MYO5B: variants seen among roughly 807,000 people sequenced by gnomAD.
The protein encoded by MYO5B is myosin VB.
Under a neutral mutation model 229.3 loss-of-function variants are expected in MYO5B, and 143 were observed. That is an observed-to-expected ratio of 0.62 (90% CI 0.54 to 0.72). The LOEUF (loss-of-function observed/expected upper bound fraction) is 0.72, where lower values mean the gene tolerates loss of function less well. Among genes scored for constraint, MYO5B ranks in the 30% least tolerant of loss-of-function variants. The pLI, the probability that MYO5B is intolerant of heterozygous loss-of-function variation, is 0.00. For synonymous variants in MYO5B, 918 were observed against 885.2 expected, an observed-to-expected ratio of 1.04 and a Z score of -0.66; for missense variants, 2,321 against 2,331.0, an observed-to-expected ratio of 1.00 and a Z score of 0.09.
intron 1 of MYO5B, among the ~76,000 whole-genome samples, chr18:50,132,617 T>C (rs1397489613): frequency 6.6e-6 from 1 of 152,228 alleles, no homozygotes; most frequent in Non-Finnish European, 1.5e-5. Flanking sequence ...ATCTCCACCA[T>C]GCTCCCCTCT....
intron 4 of MYO5B, among the ~76,000 whole-genome samples, chr18:50,005,867 C>T (rs533083726): frequency 2.0e-5 from 3 of 152,304 alleles, no homozygotes; most frequent in African/African-American, 7.2e-5. Flanking sequence ...CTGTCCATGT[C>T]CAATGCCTGG....
chr18:50,021,485 C>G (rs2026274028), intron 4 of MYO5B, among the ~76,000 whole-genome samples: 1 of 152,158 alleles, frequency 6.6e-6, no homozygotes, highest in East Asian at 1.9e-4. Context: ...TTCCACAATC[C>G]TGGAGTTACG....
chr18:50,186,037 A>C (rs2033143960), intron 1 of MYO5B, among the ~76,000 whole-genome samples: 1 of 152,276 alleles, frequency 6.6e-6, no homozygotes, highest in African/African-American at 2.4e-5. Context: ...CACATTTAAA[A>C]GGTGAATTGA....
At chr18:49,878,677 G>C (rs528179246) in intron 24 of MYO5B, among the ~76,000 whole-genome samples, 4 of 152,254 alleles carry the variant, frequency 2.6e-5, no homozygotes, top group Non-Finnish European at 5.9e-5. Flanking sequence ...CCCGTAACAG[G>C]AAACAGGAAA....
At chr18:49,997,711 A>G (rs980888698) in intron 5 of MYO5B, among the ~76,000 whole-genome samples, 1 of 152,150 alleles carries the variant, frequency 6.6e-6, no homozygotes, top group Non-Finnish European at 1.5e-5. Flanking sequence ...AGTGCACCCC[A>G]GCCAATCTCA....
At chr18:50,145,497 CAAAAAAAAAAAAAAAAAAAAAAAAAAAA>C (rs369507800) in intron 1 of MYO5B, among the ~76,000 whole-genome samples, 1 of 69,986 alleles carries the variant, frequency 1.4e-5, no homozygotes, top group Non-Finnish European at 2.7e-5. Flanking sequence ...GACTCCATCT[CAAAAAAAAAAAAAAAAAAAAAAAAAAAA>C]AAAAAAAAAA....
At chr18:49,830,996 T>G (rs982855708) in intron 39 of MYO5B, among the ~76,000 whole-genome samples, 6 of 151,362 alleles carry the variant, frequency 4.0e-5, no homozygotes, top group African/African-American at 7.3e-5. Context: ...AACCCTCATA[T>G]TTTTGGTCAA....
rs141202314 is a variant in MYO5B, at chr18:49,966,902, A to G, written c.1323-3872T>C. On this transcript the variant is annotated intron_variant, in intron 10 of 39. Transcript: ENST00000285039. ...ACCTCAGAAAGCCACAGTTGGGGAG[A>G]TTGGGTAACTTTTCCTTTACAATGG... Among the ~76,000 whole-genome samples the G allele has an allele frequency of 3.2e-3, 485 of 152,320 alleles. 2 individuals carry two copies. The highest frequency in any genetic ancestry group is 0.011 in the African/African-American group (461 of 41,574).
intron 1 of MYO5B, among the ~76,000 whole-genome samples, chr18:50,170,976 C>T (rs114721490): frequency 0.023 from 2,967 of 127,476 alleles, 829 homozygotes; most frequent in African/African-American, 0.083. Flanking sequence ...CCCGTTACCC[C>T]GTGGTGAACC....
intron 5 of MYO5B, among the ~76,000 whole-genome samples, chr18:49,999,818 G>C (rs1434874566): frequency 6.6e-6 from 1 of 152,194 alleles, no homozygotes; most frequent in Admixed American, 6.5e-5. Context: ...GAGAAACTCT[G>C]GAGTGGAGTA....
chr18:49,963,560 G>A (rs1402946871), intron 10 of MYO5B, among the ~76,000 whole-genome samples: 3 of 151,900 alleles, frequency 2.0e-5, no homozygotes, highest in South Asian at 2.1e-4. Context: ...CCGAGTAGCT[G>A]GGACTGCAGG....
At chr18:50,162,279 C>A (rs1193366089) in intron 1 of MYO5B, among the ~76,000 whole-genome samples, 1 of 152,158 alleles carries the variant, frequency 6.6e-6, no homozygotes. Flanking sequence ...GAATCCTGAA[C>A]CATCCCTCCC....
chr18:50,161,734 A>C (rs1159733008), intron 1 of MYO5B, among the ~76,000 whole-genome samples: 2 of 152,240 alleles, frequency 1.3e-5, no homozygotes, highest in African/African-American at 4.8e-5. Context: ...GGCAACCAGG[A>C]AACATGGACA....
chr18:50,041,964 T>A (rs1203310258), intron 2 of MYO5B, among the ~76,000 whole-genome samples: 2 of 151,958 alleles, frequency 1.3e-5, no homozygotes, highest in African/African-American at 4.8e-5. Flanking sequence ...AGAATACAAA[T>A]CACAAAATAG....
chr18:49,906,030 A>C (rs771073613), intron 19 of MYO5B, among the ~76,000 whole-genome samples: 9 of 152,096 alleles, frequency 5.9e-5, no homozygotes, highest in Non-Finnish European at 1.2e-4. Context: ...GGCATTATGA[A>C]ATCTGTGGAA....
At chr18:50,038,846 TGA>T (rs1199121899) in intron 3 of MYO5B, among the ~76,000 whole-genome samples, 1 of 152,342 alleles carries the variant, frequency 6.6e-6, no homozygotes, top group East Asian at 1.9e-4. Flanking sequence ...GTCTCCTTTT[TGA>T]AGTAAATATC....
intron 1 of MYO5B, among the ~76,000 whole-genome samples, chr18:50,127,532 T>C (rs528326635): frequency 1.5e-4 from 23 of 152,122 alleles, no homozygotes; most frequent in African/African-American, 5.1e-4. Flanking sequence ...AAGAGAACAA[T>C]GGAGGGGCAG....
chr18:49,972,381 C>A (rs1051365804), intron 10 of MYO5B, among the ~76,000 whole-genome samples: 10 of 152,114 alleles, frequency 6.6e-5, no homozygotes, highest in Admixed American at 5.2e-4. Flanking sequence ...AAAAACCCAG[C>A]GGAAGATCAC....
chr18:50,172,801 G>A (rs1262474721), intron 1 of MYO5B, among the ~76,000 whole-genome samples: 2 of 152,192 alleles, frequency 1.3e-5, no homozygotes, highest in African/African-American at 4.8e-5. Flanking sequence ...ACAAAATAGG[G>A]CAATGATCTG....
Sources: allele counts gnomAD v4.1 joint callset (sites outside exome capture counted in the v4.1 genomes callset), GRCh38; gene constraint gnomAD v4.1.1; transcripts MANE v1.5; gene names NCBI Gene and HGNC (gene_info 2026-07-23, HGNC 2026-07-21).